Variants in TRIM66 observed in about 807,000 individuals in gnomAD.
The protein encoded by TRIM66 is tripartite motif containing 66, also known as tripartite motif-containing protein 66.
A neutral mutation model predicts 148.2 loss-of-function variants in TRIM66; 99 were observed. That is an observed-to-expected ratio of 0.67 (90% confidence interval 0.57 to 0.79). The LOEUF (loss-of-function observed/expected upper bound fraction) is 0.79. Among genes scored for constraint, TRIM66 ranks in the 30% least tolerant of loss-of-function variants. The pLI is 0.00. For missense variants in TRIM66, 1,666 were observed against 1,697.9 expected (o/e 0.98, Z 0.33); for synonymous variants, 616 against 635.9 (o/e 0.97, Z 0.47).
intron 13 of TRIM66, among the ~76,000 whole-genome samples, chr11:8,642,040 T>C (rs1174260782): frequency 6.6e-6 from 1 of 152,130 alleles, no homozygotes; most frequent in Non-Finnish European, 1.5e-5. Flanking sequence ...TTCTTCACAA[T>C]AATGCGAGAA....
At chr11:8,624,625 A>C in intron 16 of TRIM66, 74 bp from the exon 17 acceptor site, 1 of 1,479,452 alleles carries the variant, frequency 6.8e-7, no homozygotes. Context: ...AGAACTGTTA[A>C]GCTAAGGTCA....
intron 3 of TRIM66, 85 bp from the exon 4 acceptor site, chr11:8,674,968 T>C (rs891436664): frequency 3.3e-5 from 5 of 152,258 alleles, no homozygotes; most frequent in Non-Finnish European, 5.9e-5. Context: ...ACAGTGGTAG[T>C]AGTTTCTTAA....
In TRIM66 at chr11:8,622,801, C is replaced by T. The variant is rs911310556; in HGVS notation, c.3080+15G>A. 1.3e-6 allele frequency: 2 copies of T among 1,551,414 alleles called. No homozygotes were observed. Among genetic ancestry groups the T allele is most frequent in the Admixed American group, 2.0e-5 (1 of 50,988 alleles). On this transcript the variant is annotated intron_variant, in intron 18 of 24. Coordinates refer to ENST00000646038, the MANE Select transcript of TRIM66 (RefSeq NM_001388022.1). ...AAGTCATGGGTGGGAGGGAGATTAG[C>T]CAGAAGGCTGTTACCTGATGCTCTG...
intron 6 of TRIM66, among the ~76,000 whole-genome samples, chr11:8,666,600 G>A (rs1271168388): frequency 6.6e-6 from 1 of 151,956 alleles, no homozygotes; most frequent in Non-Finnish European, 1.5e-5. Context: ...AGTCCTATGA[G>A]TTAGTAACTA....
intron 22 of TRIM66, 82 bp downstream of exon 22, chr11:8,619,968 G>C (rs2034047635): frequency 1.6e-6 from 2 of 1,223,822 alleles, no homozygotes. Context: ...AGAAAAACAG[G>C]GGTTAGGGGA....
In TRIM66 at chr11:8,645,885, C is replaced by T; in HGVS notation, c.960G>A (p.Gly320=). ...GCTTCCGCTTTCTCTCATTAGTAAT[C>T]CCCTGGGTACAGAGAGAAGACAGAG... The part of the protein sequence containing the change: ...QANGLIEELE[G]ITNERKRKLE... Residue 320 remains glycine (G), a splice_region_variant and synonymous_variant, in exon 12 of 25, where the codon GGG becomes GGA. Coordinates refer to ENST00000646038, the MANE Select transcript of TRIM66 (RefSeq NM_001388022.1). 6.4e-7 allele frequency: 1 copy of T among 1,551,500 alleles called. No homozygotes were observed. Among genetic ancestry groups the T allele is most frequent in the Non-Finnish European group, 8.7e-7 (1 of 1,146,886 alleles).
At chr11:8,648,611 C>T in intron 8 of TRIM66, 63 bp from the exon 9 acceptor site, 1 of 1,538,372 alleles carries the variant, frequency 6.5e-7, no homozygotes, top group Non-Finnish European at 8.8e-7. Context: ...CTCAGTTAAG[C>T]TTTGCTGCAC....
At chr11:8,627,521 G>A (rs2034968301) in intron 15 of TRIM66, among the ~76,000 whole-genome samples, 1 of 152,204 alleles carries the variant, frequency 6.6e-6, no homozygotes, top group South Asian at 2.1e-4. Context: ...CTGGCATACT[G>A]TAGATGCTCA....
At chr11:8,660,164 T>A (rs938152153) in intron 6 of TRIM66, among the ~76,000 whole-genome samples, 3 of 152,214 alleles carry the variant, frequency 2.0e-5, no homozygotes, top group African/African-American at 7.2e-5. Context: ...GGCTCCCCAC[T>A]GTCCACAGAA....
chr11:8,644,233 C>T (rs2036652545), intron 12 of TRIM66: 1 of 338,932 alleles, frequency 3.0e-6, no homozygotes, highest in Admixed American at 4.2e-5. Context: ...CCAACTCCTA[C>T]TCTTAGGTAA....
intron 4 of TRIM66, among the ~76,000 whole-genome samples, chr11:8,674,050 CA>C (rs1331565437): frequency 6.6e-6 from 1 of 152,180 alleles, no homozygotes; most frequent in Non-Finnish European, 1.5e-5. Context: ...GCCATAGCAG[CA>C]GCATGATTAG....
chr11:8,638,641 G>C lies in TRIM66; in HGVS notation c.2310+13C>G, dbSNP rs1349491431. Reference sequence around the variant, plus strand: ...GGTCCCATGTAGTTAGGGAAAACAGGCTCCTTCAGTACCTTTCTCACCACA... The same window carrying C: ...GGTCCCATGTAGTTAGGGAAAACAGCCTCCTTCAGTACCTTTCTCACCACA... On this transcript the variant is annotated intron_variant, in intron 15 of 24. Coordinates refer to ENST00000646038, the MANE Select transcript of TRIM66 (RefSeq NM_001388022.1). 18 of 1,544,974 alleles carry C rather than the reference G, an allele frequency of 1.2e-5. No individual in the cohort carries two copies. Among genetic ancestry groups the C allele is most frequent in the Non-Finnish European group, 1.3e-5 (15 of 1,145,032 alleles).
chr11:8,646,514 T>C lies in TRIM66; in HGVS notation c.890A>G (p.Lys297Arg). 6.4e-7 allele frequency: 1 copy of C among 1,552,140 alleles called. No homozygotes were observed. ...ATTCATCAGAACCATCTTGGCCATT[T>C]TGATCTGGTTTTCCACCTTCCTATG... is the stretch of plus-strand genomic sequence containing the variant. The part of the protein sequence containing the change: ...HQHRKVENQI[K>R]MAKMVLMNEL... The change falls in exon 11 of 25, where the codon AAA (lysine) becomes AGA (arginine). Residue 297 changes from lysine (K) to arginine (R), a missense_variant. Physicochemically the swap from Lys to Arg is conservative, Grantham distance 26. Transcript: ENST00000646038.
chr11:8,628,155 T>C (rs2035032266), intron 15 of TRIM66, among the ~76,000 whole-genome samples: 1 of 152,046 alleles, frequency 6.6e-6, no homozygotes, highest in Non-Finnish European at 1.5e-5. Context: ...TATTTTTTTT[T>C]CTTTACATTT....
chr11:8,623,152 G>A (rs911258212), intron 17 of TRIM66, among the ~76,000 whole-genome samples: 1 of 152,244 alleles, frequency 6.6e-6, no homozygotes, highest in African/African-American at 2.4e-5. Context: ...TGATGGGCCA[G>A]TTTCTCACCT....
intron 1 of TRIM66, 100 bp from the exon 2 acceptor site, chr11:8,680,163 G>A (rs1348065253): frequency 6.6e-6 from 1 of 152,384 alleles, no homozygotes; most frequent in Non-Finnish European, 1.5e-5. Flanking sequence ...GAAACAGCAT[G>A]AGCAAAGGCA....
In TRIM66 at chr11:8,641,063, G is replaced by A. The variant is rs2036347043; in HGVS notation, c.1312C>T (p.His438Tyr). The A allele has an allele frequency of 6.4e-7, 1 of 1,551,596 alleles. No individual in the cohort carries two copies. Among genetic ancestry groups the A allele is most frequent in the Admixed American group, 2.0e-5 (1 of 50,988 alleles). Residue 438 changes from histidine to tyrosine, a missense_variant, in exon 14 of 25, where the codon CAC becomes TAC. Coordinates refer to ENST00000646038, the MANE Select transcript of TRIM66 (RefSeq NM_001388022.1). The stretch of plus-strand genomic sequence containing the variant: ...TCTTGCTGAGCCACTGGAGACTGGT[G>A]GCTTTGATAAAAGGGTGATGACCCC... ...LQGSSPFYQS[H>Y]QSPVAQQEAL...
intron 14 of TRIM66, 133 bp from the exon 15 acceptor site, chr11:8,638,948 T>C: frequency 1.1e-6 from 1 of 940,668 alleles, no homozygotes; most frequent in South Asian, 1.9e-5. Flanking sequence ...TGCTTAAACG[T>C]TTTCCAAAAA....
intron 6 of TRIM66, among the ~76,000 whole-genome samples, chr11:8,661,158 G>C (rs1592175302): frequency 1.3e-5 from 2 of 152,204 alleles, no homozygotes; most frequent in East Asian, 3.9e-4. Context: ...GAAAGAATAG[G>C]GAATAAACTG....
Sources: gnomAD v4.1 joint callset for allele counts (sites outside exome capture counted in the v4.1 genomes callset) on GRCh38, gnomAD v4.1.1 for gene constraint, MANE v1.5 for transcripts, NCBI Gene and HGNC (gene_info 2026-07-23, HGNC 2026-07-21) for gene names.